The following DYNC1H1 variants were observed in gnomAD, a reference collection of about 807,000 sequenced individuals.
The protein encoded by DYNC1H1 is cytoplasmic dynein 1 heavy chain 1.
Under a neutral mutation model 527.1 loss-of-function variants are expected in DYNC1H1, and 51 were observed. That is an observed-to-expected ratio of 0.10 (90% CI 0.08 to 0.12). The LOEUF is 0.12. Ranked by LOEUF, DYNC1H1 falls within the 10% of genes least tolerant of loss-of-function variation. DYNC1H1 has a pLI of 1.00. For missense variants in DYNC1H1, 2,771 were observed against 5,971.8 expected (o/e 0.46, Z 17.66); for synonymous variants, 2,189 against 2,278.8 (o/e 0.96, Z 1.12).
intron 1 of DYNC1H1, among the ~76,000 whole-genome samples, chr14:101,975,275 A>G (rs1025673091): frequency 1.3e-5 from 2 of 152,258 alleles, no homozygotes; most frequent in East Asian, 1.9e-4. Context: ...TAAAATGCCT[A>G]TCACACAGGT....
rs2152603793 is a variant in DYNC1H1, at chr14:102,055,972, G to A, written c.*5409G>A. The A allele has an allele frequency of 1.3e-5, 2 of 152,372 alleles. No individual in the cohort carries two copies. The highest frequency in any genetic ancestry group is 4.1e-4 in the South Asian group (2 of 4,834). 9.4% of individuals were successfully genotyped at this position (152,372 alleles called of 1,614,324 possible). On this transcript the variant is annotated 3_prime_UTR_variant, in exon 78 of 78. Transcript: ENST00000360184. ...CTCAGTTAATTTAGAAAAGATATTT[G>A]TCAAGGTTGAGGACGCGCACCCATG...
chr14:102,019,521 G>A lies in DYNC1H1; in HGVS notation c.8344-372G>A, dbSNP rs565163853. On this transcript the variant is annotated intron_variant, in intron 41 of 77. Coordinates refer to ENST00000360184, the MANE Select transcript of DYNC1H1 (RefSeq NM_001376.5). ...GTTTCATTGTTTAAATATTTAAATC[G>A]TTAAATATAATGTATTTCAGCATAA... is the stretch of plus-strand genomic sequence containing the variant. Among the ~76,000 whole-genome samples, 8 of 152,184 alleles carry A rather than the reference G, an allele frequency of 5.3e-5. 1 individual carries two copies. In the South Asian group the frequency reaches 6.2e-4, roughly 12 times the overall value.
chr14:101,966,625 G>A (rs978368544), intron 1 of DYNC1H1, among the ~76,000 whole-genome samples: 3 of 151,884 alleles, frequency 2.0e-5, no homozygotes, highest in African/African-American at 7.3e-5. Flanking sequence ...AAAGTTAATT[G>A]TATTTTGAGT....
At chr14:102,032,919 C>G in intron 52 of DYNC1H1, 146 bp from the exon 53 acceptor site, 1 of 777,560 alleles carries the variant, frequency 1.3e-6, no homozygotes, top group Non-Finnish European at 2.1e-6. Context: ...ACCTGAGAAC[C>G]AAGGGTCAGT....
In DYNC1H1 at chr14:102,042,763, C is replaced by T. The variant is rs746850569; in HGVS notation, c.12513+15C>T. ...GGATATGCAAGGTAAGTACCTTGTC[C>T]TCCTGGTATGCTTTCCCCATAGAAG... On this transcript the variant is annotated intron_variant, in intron 69 of 77. Coordinates refer to ENST00000360184, the MANE Select transcript of DYNC1H1 (RefSeq NM_001376.5). The surrounding 1 kb of genome is among the most constrained non-coding windows in gnomAD (Gnocchi z 5.7). 14 of 1,612,080 alleles carry T rather than the reference C, an allele frequency of 8.7e-6. No individual in the cohort carries two copies. The highest frequency in any genetic ancestry group is 1.2e-5 in the Non-Finnish European group (14 of 1,178,454).
chr14:101,965,048 C>T lies in DYNC1H1; in HGVS notation c.256+101C>T. On this transcript the variant is annotated intron_variant, in intron 1 of 77. Coordinates refer to ENST00000360184, the MANE Select transcript of DYNC1H1 (RefSeq NM_001376.5). This position sits in a 1 kb window ranked among gnomAD's most constrained non-coding sequence, Gnocchi z 4.1. ...GCAGATGTCCCCGGGATGGGAGGAGCCCGGCAGCTGCAGATGACCCCTGGA... is the reference window on the plus strand; with the variant it reads ...GCAGATGTCCCCGGGATGGGAGGAGTCCGGCAGCTGCAGATGACCCCTGGA... 2.3e-6 allele frequency: 3 copies of T among 1,305,068 alleles called. No individual in the cohort carries two copies. Among genetic ancestry groups the T allele is most frequent in the Non-Finnish European group, 3.1e-6 (3 of 960,360 alleles). 80.8% of individuals were successfully genotyped at this position (1,305,068 alleles called of 1,614,324 possible). A position where few individuals can be genotyped will look rare whatever the true frequency, so the allele number is the denominator to read the frequency against.
At position 102,027,809 on chromosome 14, in the gene DYNC1H1, C is replaced by G; in HGVS notation, c.9239C>G (p.Ala3080Gly). 6.2e-7 allele frequency: 1 copy of G among 1,614,194 alleles called. No individual in the cohort carries two copies. Residue 3080 changes from alanine (A) to glycine (G), a missense_variant, in exon 47 of 78, where the codon GCT becomes GGT. Transcript: ENST00000360184. The surrounding 1 kb of genome is among the most constrained non-coding windows in gnomAD (Gnocchi z 7.7). ...TCGGAGGGACTCAAGGACCGGGCAG[C>G]TACATCACCAGCACTTTTCAACAGG... ...PSSEGLKDRA[A>G]TSPALFNRCV... is the part of the protein sequence containing the mutation.
rs2152581417 is a variant in DYNC1H1 at position 102,015,021 on chromosome 14, A to G, written c.7015-84A>G. On this transcript the variant is annotated intron_variant, in intron 34 of 77. Coordinates refer to ENST00000360184, the MANE Select transcript of DYNC1H1 (RefSeq NM_001376.5). This position sits in a 1 kb window ranked among gnomAD's most constrained non-coding sequence, Gnocchi z 6.9. ...AAATTAAGTTTAAAGTCACCCTTTC[A>G]GTGTATATATAGGTAAAAGAATCTT... is the stretch of plus-strand genomic sequence containing the variant. 2.7e-6 allele frequency: 4 copies of G among 1,497,016 alleles called. No individual in the cohort carries two copies. The highest frequency in any genetic ancestry group is 9.3e-7 in the Non-Finnish European group (1 of 1,078,006). 92.7% of individuals were successfully genotyped at this position (1,497,016 alleles called of 1,614,324 possible). A position where few individuals can be genotyped will look rare whatever the true frequency, so the allele number is the denominator to read the frequency against.
At chr14:101,978,334 G>T (rs544225897) in intron 2 of DYNC1H1, among the ~76,000 whole-genome samples, 5 of 152,256 alleles carry the variant, frequency 3.3e-5, no homozygotes, top group African/African-American at 1.2e-4. Flanking sequence ...ACTGTGCCCG[G>T]CCTAATTTTT....
chr14:101,983,118 G>A lies in DYNC1H1; in HGVS notation c.1061G>A (p.Arg354Lys), dbSNP rs1020301877. Residue 354 changes from arginine (R) to lysine (K), a missense_variant, in exon 6 of 78, where the codon AGA becomes AAA. Physicochemically the swap from Arg to Lys is conservative, Grantham distance 26. This residue lies in a region of DYNC1H1 where 264 missense variants were observed against 619.4 expected (regional missense o/e 0.43). Transcript: ENST00000360184. The surrounding 1 kb of genome is among the most constrained non-coding windows in gnomAD (Gnocchi z 5.3). The part of the protein sequence containing the change: ...LLSATELDKI[R>K]QALVAIFTHL... Reference sequence around the variant, plus strand: ...TCTGCCACGGAGCTGGACAAAATAAGACAGGCGCTTGTTGCCATTTTCACA... The same window carrying A: ...TCTGCCACGGAGCTGGACAAAATAAAACAGGCGCTTGTTGCCATTTTCACA... 5.6e-6 allele frequency: 9 copies of A among 1,614,040 alleles called. No individual in the cohort carries two copies. Among genetic ancestry groups the A allele is most frequent in the African/African-American group, 1.3e-5 (1 of 74,924 alleles).
At chr14:101,984,397 ATATATGTG>A (rs2047904467) in intron 7 of DYNC1H1, among the ~76,000 whole-genome samples, 1 of 89,958 alleles carries the variant, frequency 1.1e-5, no homozygotes, top group African/African-American at 5.0e-5. Flanking sequence ...ATATATGCGT[ATATATGTG>A]TGTGTGTGTG....
At chr14:101,994,374 A>G (rs2048033257) in intron 12 of DYNC1H1, 50 bp downstream of exon 12, 1 of 1,612,398 alleles carries the variant, frequency 6.2e-7, no homozygotes, top group Non-Finnish European at 8.5e-7. Context: ...TATTCTAGAC[A>G]CTTAAGAGTA....
chr14:102,048,856 T>C, intron 74 of DYNC1H1, 187 bp downstream of exon 74: 1 of 746,844 alleles, frequency 1.3e-6, no homozygotes, highest in South Asian at 1.8e-5. Context: ...CTGAAGAATT[T>C]GTTTTTCTTC....
chr14:102,018,591 T>C lies in DYNC1H1; in HGVS notation c.8318T>C (p.Met2773Thr). ...RTYAEPLTAAMVEFYTMSQER... is the reference protein window; with the variant it reads ...RTYAEPLTAATVEFYTMSQER... Reference sequence around the variant, plus strand: ...TATGCAGAGCCGCTCACTGCTGCCATGGTGGAGTTCTACACCATGTCTCAG... The same window carrying C: ...TATGCAGAGCCGCTCACTGCTGCCACGGTGGAGTTCTACACCATGTCTCAG... Residue 2773 changes from methionine (M) to threonine (T), a missense_variant, in exon 41 of 78, where the codon ATG (methionine) becomes ACG (threonine). Met to Thr is a moderately conservative substitution (Grantham distance 81). Transcript: ENST00000360184. This position sits in a 1 kb window ranked among gnomAD's most constrained non-coding sequence, Gnocchi z 5.2. 1.9e-6 allele frequency: 3 copies of C among 1,613,236 alleles called. No homozygotes were observed. The highest frequency in any genetic ancestry group is 1.6e-4 in the Middle Eastern group (1 of 6,062).
chr14:101,995,789 G>A (rs2048054162), intron 15 of DYNC1H1, among the ~76,000 whole-genome samples: 1 of 152,006 alleles, frequency 6.6e-6, no homozygotes, highest in African/African-American at 2.4e-5. Context: ...GGCCAGGCAC[G>A]GTGGCTCATG....
At chr14:102,023,473 C>A in intron 43 of DYNC1H1, 1 of 187,418 alleles carries the variant, frequency 5.3e-6, no homozygotes, top group Non-Finnish European at 1.1e-5. Context: ...CTTTGGAACC[C>A]GGGAGGCAGA....
chr14:101,980,696 T>C (rs2141270371), intron 5 of DYNC1H1, 146 bp downstream of exon 5: 1 of 959,234 alleles, frequency 1.0e-6, no homozygotes, highest in East Asian at 2.6e-5. Flanking sequence ...ATCTTATCTT[T>C]CCCTCAGTTC....
In DYNC1H1 at chr14:101,983,045, A is replaced by T; in HGVS notation, c.988A>T (p.Asn330Tyr). The change falls in exon 6 of 78, where the codon AAT (asparagine) becomes TAT (tyrosine). Residue 330 changes from asparagine (N) to tyrosine (Y), a missense_variant. Physicochemically the swap from Asn to Tyr is moderately radical, Grantham distance 143 (BLOSUM62 -2). This residue lies in a region of DYNC1H1 where 264 missense variants were observed against 619.4 expected (regional missense o/e 0.43). Coordinates refer to ENST00000360184, the MANE Select transcript of DYNC1H1 (RefSeq NM_001376.5). This position sits in a 1 kb window ranked among gnomAD's most constrained non-coding sequence, Gnocchi z 5.3. ...TGLKQALETV[N>Y]DYNPLMKDFP... ...TCTAAAACAGGCTTTGGAAACTGTG[A>T]ATGACTACAATCCTCTGATGAAAGA... The T allele has an allele frequency of 6.2e-7, 1 of 1,614,222 alleles. No homozygotes were observed.
rs2047966429 is a variant in DYNC1H1, at chr14:101,989,011, C to T, written c.2868+159C>T. 2.6e-5 allele frequency among the ~76,000 whole-genome samples: 4 copies of T among 152,210 alleles called. No individual in the cohort carries two copies. The South Asian group carries it at 8.3e-4, about 31-fold the overall frequency. ...CTCACCAGTGGCGATGTGCAGGTGT[C>T]ATGTGCCCTCTGATGTGATGCGATG... On this transcript the variant is annotated intron_variant, in intron 10 of 77. Coordinates refer to ENST00000360184, the MANE Select transcript of DYNC1H1 (RefSeq NM_001376.5).
Sources: gnomAD v4.1 joint callset for allele counts (sites outside exome capture counted in the v4.1 genomes callset) on GRCh38, gnomAD v4.1.1 for gene constraint, gnomAD v4.1.1 regional missense constraint, Gnocchi (gnomAD v3.1) non-coding constraint, MANE v1.5 for transcripts, NCBI Gene and HGNC (gene_info 2026-07-23, HGNC 2026-07-21) for gene names.